Variants in ATF2 observed in about 807,000 individuals in gnomAD.
ATF2 encodes the protein activating transcription factor 2, also known as cyclic AMP-dependent transcription factor ATF-2.
Under a neutral mutation model 60.6 loss-of-function variants are expected in ATF2, and 24 were observed. The ratio of observed to expected loss-of-function variants is 0.40; its 90% CI spans 0.29 to 0.56. The LOEUF (loss-of-function observed/expected upper bound fraction) is 0.56. ATF2 is among the 20% of genes least tolerant of loss of function. The pLI is 0.54. For synonymous variants in ATF2, 206 were observed against 215.4 expected (o/e 0.96, Z 0.38); for missense variants, 433 against 607.7 (o/e 0.71, Z 3.02).
Position 175,073,809 on chromosome 2 carries a change from T to C in ATF2, c.*800A>G, listed in dbSNP as rs971735805. On this transcript the variant is annotated 3_prime_UTR_variant, in exon 14 of 14. Transcript: ENST00000264110. ...AAAAACAAGAGCTAATTTCAAAAAT[T>C]ATTAGATATTTGATAACCCTGTATC... 2 of 152,142 alleles carry C rather than the reference T, an allele frequency of 1.3e-5. No individual in the cohort carries two copies. The highest frequency in any genetic ancestry group is 2.4e-5 in the African/African-American group (1 of 41,434). The allele number at this position is 152,142 out of a possible 1,614,324, so 9.4% of individuals were successfully genotyped here.
chr2:175,075,796 C>T (rs977171163), intron 13 of ATF2, among the ~76,000 whole-genome samples: 2 of 152,110 alleles, frequency 1.3e-5, no homozygotes, highest in African/African-American at 2.4e-5. Context: ...TAACCATTCT[C>T]GTTTTTTCTC....
intron 12 of ATF2, among the ~76,000 whole-genome samples, chr2:175,084,509 GGGGA>G (rs1484101615): frequency 9.5e-6 from 1 of 105,338 alleles, no homozygotes; most frequent in African/African-American, 3.6e-5. Flanking sequence ...TGGGGGGAGG[GGGGA>G]GGGATAGCAT....
intron 10 of ATF2, among the ~76,000 whole-genome samples, chr2:175,100,171 C>A (rs1695211378): frequency 6.6e-6 from 1 of 152,208 alleles, no homozygotes; most frequent in African/African-American, 2.4e-5. Flanking sequence ...TTGAACAAAT[C>A]ATTGATCTTT....
chr2:175,135,843 A>T (rs573037396), intron 3 of ATF2, among the ~76,000 whole-genome samples: 2 of 152,258 alleles, frequency 1.3e-5, no homozygotes, highest in South Asian at 4.1e-4. Flanking sequence ...AATATATTTG[A>T]CTCAACTAAT....
Position 175,093,363 on chromosome 2 carries a change from T to A in ATF2, c.979-96A>T, listed in dbSNP as rs1169039936. The A allele has an allele frequency of 2.4e-6, 3 of 1,237,638 alleles. No homozygotes were observed. In the African/African-American group the frequency reaches 4.6e-5, roughly 19 times the overall value. 76.7% of individuals were successfully genotyped at this position (1,237,638 alleles called of 1,614,324 possible). A position where few individuals can be genotyped will look rare whatever the true frequency, so the allele number is the denominator to read the frequency against. On this transcript the variant is annotated intron_variant, in intron 11 of 13. Transcript: ENST00000264110. ...TGTCAAAGGGGGAGAGCAACTGTAT[T>A]TTCTAAGTCTTGTTGAATACATCAG...
chr2:175,074,268 G>A lies in ATF2; in HGVS notation c.*341C>T, dbSNP rs1693126979. 2 of 183,970 alleles carry A rather than the reference G, an allele frequency of 1.1e-5. No individual in the cohort carries two copies. Among genetic ancestry groups the A allele is most frequent in the South Asian group, 2.1e-4 (2 of 9,696 alleles). 11.4% of individuals were successfully genotyped at this position (183,970 alleles called of 1,614,324 possible). A position where few individuals can be genotyped will look rare whatever the true frequency, so the allele number is the denominator to read the frequency against. Reference sequence around the variant, plus strand: ...GGGGTGGTCAAAAGAAATGGAAGTGGGAAGAAAGATTCAGTAACACCCCCA... The same window carrying A: ...GGGGTGGTCAAAAGAAATGGAAGTGAGAAGAAAGATTCAGTAACACCCCCA... On this transcript the variant is annotated 3_prime_UTR_variant, in exon 14 of 14. Coordinates refer to ENST00000264110, the MANE Select transcript of ATF2 (RefSeq NM_001880.4).
chr2:175,142,848 GTC>G (rs67361709), intron 2 of ATF2, among the ~76,000 whole-genome samples: 3,668 of 151,264 alleles, frequency 0.024, 97 homozygotes, highest in African/African-American at 0.066. Flanking sequence ...GTGTGTGTGT[GTC>G]TGTGTGTGTT....
intron 13 of ATF2, among the ~76,000 whole-genome samples, chr2:175,076,499 C>T (rs1693305572): frequency 6.6e-6 from 1 of 152,040 alleles, no homozygotes; most frequent in African/African-American, 2.4e-5. Context: ...TCTATTGAAC[C>T]TATCACCAAA....
chr2:175,130,199 T>TTG lies in ATF2; in HGVS notation c.39_40dup (p.Lys14ThrfsTer7). The TTG allele has an allele frequency of 6.3e-7, 1 of 1,582,242 alleles. No individual in the cohort carries two copies. Reference sequence around the variant, plus strand: ...GTCATCACTCATATTCCACAGGTCCTTGTATTGCCTATAATCAAACAGAAG... The same window carrying TTG: ...GTCATCACTCATATTCCACAGGTCCTTGTGTATTGCCTATAATCAAACAGAAG... On this transcript the variant is annotated frameshift_variant, in exon 4 of 14. Transcript: ENST00000264110. LOFTEE classifies it high-confidence loss of function.
At chr2:175,142,952 T>A (rs1287592786) in intron 2 of ATF2, among the ~76,000 whole-genome samples, 1 of 151,996 alleles carries the variant, frequency 6.6e-6, no homozygotes, top group Non-Finnish European at 1.5e-5. Context: ...GCTCAAGTGA[T>A]CTTCCCGCCT....
At chr2:175,167,696 G>T (rs537521492) in intron 1 of ATF2, 2 of 501,716 alleles carry the variant, frequency 4.0e-6, no homozygotes, top group East Asian at 1.2e-4. Context: ...GAGGACCTCT[G>T]AACTGACCCA....
At chr2:175,113,590 T>C (rs957191579) in intron 9 of ATF2, among the ~76,000 whole-genome samples, 10 of 152,172 alleles carry the variant, frequency 6.6e-5, no homozygotes, top group African/African-American at 1.9e-4. Context: ...CTATCAAAGA[T>C]TCTACAAACC....
intron 11 of ATF2, among the ~76,000 whole-genome samples, chr2:175,095,092 A>G (rs1345117385): frequency 1.4e-5 from 2 of 147,990 alleles, no homozygotes; most frequent in Admixed American, 1.3e-4. Flanking sequence ...TCATCCTCCT[A>G]TTTTTCTTTT....
intron 1 of ATF2, among the ~76,000 whole-genome samples, chr2:175,158,466 T>C (rs1252212973): frequency 6.6e-6 from 1 of 152,058 alleles, no homozygotes; most frequent in African/African-American, 2.4e-5. Context: ...CAAACTCTTA[T>C]TTTAAATTAT....
At chr2:175,093,400 A>C in intron 11 of ATF2, 133 bp from the exon 12 acceptor site, 1 of 843,444 alleles carries the variant, frequency 1.2e-6, no homozygotes, top group South Asian at 1.8e-5. Flanking sequence ...ATGTTGGGGC[A>C]ATATGAAAAT....
chr2:175,097,646 G>A, intron 10 of ATF2, 53 bp from the exon 11 acceptor site: 1 of 1,587,264 alleles, frequency 6.3e-7, no homozygotes, highest in Non-Finnish European at 8.6e-7. Context: ...AGATCATCAT[G>A]AATATCAACA....
chr2:175,113,587 A>G (rs1484707814), intron 9 of ATF2, among the ~76,000 whole-genome samples: 1 of 151,742 alleles, frequency 6.6e-6, no homozygotes, highest in African/African-American at 2.4e-5. Context: ...GGGCTATCAA[A>G]GATTCTACAA....
At chr2:175,156,583 G>C (rs948989268) in intron 1 of ATF2, among the ~76,000 whole-genome samples, 2 of 152,064 alleles carry the variant, frequency 1.3e-5, no homozygotes, top group African/African-American at 4.8e-5. Flanking sequence ...CACATGGAAA[G>C]CACTTCAGCT....
intron 10 of ATF2, among the ~76,000 whole-genome samples, chr2:175,099,987 G>A (rs1036208211): frequency 6.6e-6 from 1 of 152,216 alleles, no homozygotes; most frequent in African/African-American, 2.4e-5. Flanking sequence ...CCAGGATCTG[G>A]CATGTTTTCT....
Sources: allele counts gnomAD v4.1 joint callset (sites outside exome capture counted in the v4.1 genomes callset), GRCh38; gene constraint gnomAD v4.1.1; transcripts MANE v1.5; gene names NCBI Gene and HGNC (gene_info 2026-07-23, HGNC 2026-07-21).